The following ASTN2 variants were observed in gnomAD, a reference collection of about 807,000 sequenced individuals.
ASTN2 encodes astrotactin 2, also known as astrotactin-2.
Under a neutral mutation model 139.8 loss-of-function variants are expected in ASTN2, and 54 were observed. The observed-to-expected ratio is 0.39, with a 90% CI of 0.31 to 0.48. The LOEUF (loss-of-function observed/expected upper bound fraction) is 0.48. ASTN2 is among the 20% of genes least tolerant of loss of function. ASTN2 has a pLI of 0.95. For missense variants in ASTN2, 1,565 were observed against 1,725.1 expected (o/e 0.91, Z 1.64); for synonymous variants, 756 against 719.5 (o/e 1.05, Z -0.81).
intron 16 of ASTN2, among the ~76,000 whole-genome samples, chr9:116,709,049 C>G (rs1828071369): frequency 6.6e-6 from 1 of 152,206 alleles, no homozygotes; most frequent in Admixed American, 6.5e-5. Flanking sequence ...TTGCTGGCTG[C>G]ATATTGGACT....
At chr9:117,375,726 G>A (rs1400131023) in intron 1 of ASTN2, among the ~76,000 whole-genome samples, 5 of 152,142 alleles carry the variant, frequency 3.3e-5, no homozygotes, top group Admixed American at 6.5e-5. Flanking sequence ...CTGCTGTAAC[G>A]AATGACCACA....
In ASTN2 at chr9:116,838,122, T is replaced by G. The variant is rs1185068137; in HGVS notation, c.2041-17339A>C. On this transcript the variant is annotated intron_variant, in intron 11 of 22. Transcript: ENST00000313400. ...CTGTGTTTTTTTTTGTTTTGTTTTG[T>G]TTTTTGAGACAGAGTCACGCTCTGT... is the stretch of plus-strand genomic sequence containing the variant. Among the ~76,000 whole-genome samples the G allele has an allele frequency of 1.2e-3, 154 of 125,510 alleles. 3 individuals are homozygous for G. The highest frequency in any genetic ancestry group is 3.8e-3 in the African/African-American group (138 of 36,186). The allele number at this position is 125,510 out of a possible 152,430, so 82.3% of individuals were successfully genotyped here.
intron 19 of ASTN2, among the ~76,000 whole-genome samples, chr9:116,500,808 C>T (rs541916394): frequency 5.6e-4 from 86 of 152,230 alleles, no homozygotes; most frequent in Admixed American, 1.4e-3. Context: ...CATTGCCTTG[C>T]GTATGGTAAA....
At chr9:116,601,693 T>C (rs531769774) in intron 19 of ASTN2, among the ~76,000 whole-genome samples, 18 of 152,282 alleles carry the variant, frequency 1.2e-4, no homozygotes, top group Admixed American at 9.8e-4. Context: ...ACCAGCTATA[T>C]AGAGTAAATG....
At chr9:117,126,818 T>TAC (rs1829699728) in intron 4 of ASTN2, among the ~76,000 whole-genome samples, 1 of 152,234 alleles carries the variant, frequency 6.6e-6, no homozygotes, top group East Asian at 1.9e-4. Flanking sequence ...AATCTTGAGT[T>TAC]ACATAGAAGT....
At chr9:116,459,244 C>T (rs1368303476) in intron 20 of ASTN2, among the ~76,000 whole-genome samples, 1 of 151,846 alleles carries the variant, frequency 6.6e-6, no homozygotes, top group Non-Finnish European at 1.5e-5. Context: ...CTATATCACA[C>T]CATGTATAAA....
chr9:116,934,305 G>A (rs1835003227), intron 10 of ASTN2, among the ~76,000 whole-genome samples: 1 of 152,002 alleles, frequency 6.6e-6, no homozygotes, highest in African/African-American at 2.4e-5. Context: ...ATGAGCCCAG[G>A]AGTCCCCATC....
chr9:117,253,475 G>A (rs1833595571), intron 2 of ASTN2, among the ~76,000 whole-genome samples: 1 of 152,126 alleles, frequency 6.6e-6, no homozygotes, highest in South Asian at 2.1e-4. Flanking sequence ...TAAAAAACGA[G>A]CTGGTATGGC....
chr9:116,559,493 T>G lies in ASTN2; in HGVS notation c.3355+58831A>C, dbSNP rs899637783. Among the ~76,000 whole-genome samples the G allele has an allele frequency of 5.4e-5, 8 of 147,292 alleles. No homozygotes were observed. The South Asian group carries it at 1.5e-3, about 27-fold the overall frequency. On this transcript the variant is annotated intron_variant, in intron 19 of 22. Coordinates refer to ENST00000313400, the MANE Select transcript of ASTN2 (RefSeq NM_001365068.1). Reference sequence around the variant, plus strand: ...ATGATCTATGGTCTTTTTTCTTTACTCTCAACTTAGTGTGTTTGTGTATGT... The same window carrying G: ...ATGATCTATGGTCTTTTTTCTTTACGCTCAACTTAGTGTGTTTGTGTATGT...
chr9:117,016,600 A>T (rs1193593195), intron 6 of ASTN2, among the ~76,000 whole-genome samples: 1 of 6,458 alleles, frequency 1.5e-4, no homozygotes, highest in Non-Finnish European at 3.6e-4. Context: ...TTTTATATAT[A>T]TATCTATATC....
chr9:116,772,320 T>G (rs1829973456), intron 13 of ASTN2, among the ~76,000 whole-genome samples: 1 of 152,162 alleles, frequency 6.6e-6, no homozygotes, highest in Admixed American at 6.5e-5. Flanking sequence ...TCACGAGATC[T>G]GATGGTTTTA....
At chr9:116,482,869 C>T (rs1449584383) in intron 20 of ASTN2, among the ~76,000 whole-genome samples, 1 of 152,202 alleles carries the variant, frequency 6.6e-6, no homozygotes, top group Non-Finnish European at 1.5e-5. Flanking sequence ...CTGGGGCAAG[C>T]CTCTGAATGT....
At chr9:117,006,997 A>G (rs1250410752) in intron 7 of ASTN2, among the ~76,000 whole-genome samples, 1 of 152,096 alleles carries the variant, frequency 6.6e-6, no homozygotes, top group Non-Finnish European at 1.5e-5. Flanking sequence ...CGTGCCTGTA[A>G]TCCCCGCTAC....
chr9:117,153,362 G>T (rs1168494385), intron 3 of ASTN2, among the ~76,000 whole-genome samples: 1 of 152,050 alleles, frequency 6.6e-6, no homozygotes, highest in Non-Finnish European at 1.5e-5. Flanking sequence ...TGTGAGATGA[G>T]AACAACACTT....
chr9:116,472,952 T>C (rs1848863032), intron 20 of ASTN2, among the ~76,000 whole-genome samples: 1 of 146,658 alleles, frequency 6.8e-6, no homozygotes. Context: ...AAAAGAATCA[T>C]GGTTCTGCCA....
At chr9:117,187,272 C>T (rs759361069) in intron 3 of ASTN2, among the ~76,000 whole-genome samples, 17 of 151,944 alleles carry the variant, frequency 1.1e-4, no homozygotes, top group Non-Finnish European at 2.5e-4. Flanking sequence ...GAAGAAAAAC[C>T]TGAAGGAACT....
intron 13 of ASTN2, 78 bp downstream of exon 13, chr9:116,805,554 G>T: frequency 7.3e-7 from 1 of 1,365,022 alleles, no homozygotes; most frequent in Non-Finnish European, 1.0e-6. Context: ...CTACCCCATT[G>T]TGCCCATGGC....
chr9:116,483,219 G>A (rs998713247), intron 20 of ASTN2, among the ~76,000 whole-genome samples: 5 of 152,194 alleles, frequency 3.3e-5, no homozygotes, highest in Admixed American at 2.0e-4. Flanking sequence ...TCCCTCTGCT[G>A]CTTTTGTTTG....
rs550137529 is a variant in ASTN2 at position 116,615,676 on chromosome 9, G to A, written c.3355+2648C>T. Among the ~76,000 whole-genome samples the A allele has an allele frequency of 1.3e-4, 19 of 149,154 alleles. No homozygotes were observed. In the East Asian group the frequency reaches 3.6e-3, roughly 28 times the overall value. On this transcript the variant is annotated intron_variant, in intron 19 of 22. Coordinates refer to ENST00000313400, the MANE Select transcript of ASTN2 (RefSeq NM_001365068.1). ...CACTCATAGGTGGGAATTGAACAAT[G>A]AGAACACTTGGACATAGGGTGGGGA...
Sources: gnomAD v4.1 joint callset for allele counts (sites outside exome capture counted in the v4.1 genomes callset) on GRCh38, gnomAD v4.1.1 for gene constraint, MANE v1.5 for transcripts, NCBI Gene and HGNC (gene_info 2026-07-23, HGNC 2026-07-21) for gene names.